Variants in BPIFB3 observed in about 807,000 individuals in gnomAD.
BPIFB3 encodes the protein BPI fold-containing family B member 3.
In BPIFB3, 49 loss-of-function variants were observed where a neutral mutation model predicts 53.1. The ratio of observed to expected loss-of-function variants is 0.92; its 90% confidence interval spans 0.73 to 1.17. The LOEUF (loss-of-function observed/expected upper bound fraction) is 1.17. Ranked by LOEUF, BPIFB3 falls within the 50% of genes most tolerant of loss-of-function variation. The pLI is 0.00. For missense variants in BPIFB3, 628 were observed against 592.5 expected (o/e 1.06, Z -0.62); for synonymous variants, 271 against 269.6 (o/e 1.01, Z -0.05).
chr20:33,072,657 C>T (rs1343864543), intron 13 of BPIFB3, 60 bp from the exon 15 acceptor site: 7 of 1,443,120 alleles, frequency 4.9e-6, no homozygotes, highest in Non-Finnish European at 6.8e-6. Context: ...TCCGAGGGTT[C>T]CTAGGGTCCA....
intron 10 of BPIFB3, among the ~76,000 whole-genome samples, chr20:33,069,599 G>T (rs1402184445): frequency 6.6e-6 from 1 of 152,186 alleles, no homozygotes; most frequent in Admixed American, 6.5e-5. Context: ...TCACTGGAAA[G>T]GCCTTCCCTC....
chr20:33,069,276 C>T (rs1352913325), intron 10 of BPIFB3, among the ~76,000 whole-genome samples: 2 of 152,178 alleles, frequency 1.3e-5, no homozygotes, highest in Non-Finnish European at 2.9e-5. Context: ...AGCTATCTCC[C>T]TGACGACCCT....
chr20:33,066,927 C>A, intron 9 of BPIFB3, 50 bp downstream of exon 10: 2 of 1,575,464 alleles, frequency 1.3e-6, no homozygotes, highest in Non-Finnish European at 1.7e-6. Context: ...TTCCTGATGA[C>A]CATGAATGGA....
exon 3 of BPIFB3, chr20:33,059,428 C>T (rs752849831): frequency 1.3e-5 from 21 of 1,612,908 alleles, no homozygotes; most frequent in African/African-American, 6.7e-5. Context: ...AAGCTGCTGC[C>T]GGGATTTGGG....
chr20:33,054,141 G>C (rs1980098105), upstream of BPIFB3, among the ~76,000 whole-genome samples: 1 of 152,156 alleles, frequency 6.6e-6, no homozygotes, highest in South Asian at 2.1e-4. Flanking sequence ...GGCCCAGAGA[G>C]AGGCAAAGAC....
At chr20:33,055,360 CAG>C (rs1980144005), upstream of BPIFB3, 2 of 1,592,756 alleles carry the variant, frequency 1.3e-6, no homozygotes, top group African/African-American at 1.3e-5. Context: ...ATAATGGGAA[CAG>C]AGAGGGGAAA....
exon 11 of BPIFB3, chr20:33,069,915 C>T: frequency 6.2e-7 from 1 of 1,614,184 alleles, no homozygotes; most frequent in Non-Finnish European, 8.5e-7. Context: ...CCAGCTGGCT[C>T]CCTCGGCTAC....
exon 2 of BPIFB3, chr20:33,056,613 G>C: frequency 6.2e-7 from 1 of 1,613,898 alleles, no homozygotes; most frequent in Non-Finnish European, 8.5e-7. Context: ...TGTGAACCGG[G>C]GCCTCTTGGG....
At chr20:33,059,757 G>A in intron 3 of BPIFB3, 134 bp from the exon 5 acceptor site, 1 of 1,322,428 alleles carries the variant, frequency 7.6e-7, no homozygotes, top group Non-Finnish European at 1.0e-6. Flanking sequence ...GTGCAGGGAA[G>A]TGCAAAATGG....
chr20:33,057,376 A>G (rs1980254561), intron 2 of BPIFB3, among the ~76,000 whole-genome samples: 1 of 151,902 alleles, frequency 6.6e-6, no homozygotes, highest in Admixed American at 6.6e-5. Context: ...TTTAGTAGAG[A>G]AGAAGTTACA....
chr20:33,066,284 G>T (rs193199989), intron 8 of BPIFB3, among the ~76,000 whole-genome samples: 148 of 152,302 alleles, frequency 9.7e-4, no homozygotes, highest in African/African-American at 3.5e-3. Flanking sequence ...GGGGGTGCAG[G>T]CTCAGTGTGA....
intron 8 of BPIFB3, among the ~76,000 whole-genome samples, chr20:33,066,270 G>A (rs922278403): frequency 2.6e-5 from 4 of 152,226 alleles, no homozygotes; most frequent in African/African-American, 7.2e-5. Flanking sequence ...CTGCCACAAG[G>A]GGAGGGGGTG....
chr20:33,055,616 G>A, intron 1 of BPIFB3, 69 bp downstream of exon 2: 2 of 1,601,802 alleles, frequency 1.2e-6, no homozygotes, highest in Non-Finnish European at 1.7e-6. Flanking sequence ...TATGCTTAGA[G>A]CATCTGCTTT....
chr20:33,071,237 C>T lies in BPIFB3; in HGVS notation c.1218-16C>T. The T allele has an allele frequency of 1.3e-6, 2 of 1,558,918 alleles. No homozygotes were observed. Among genetic ancestry groups the T allele is most frequent in the Non-Finnish European group, 1.7e-6 (2 of 1,150,322 alleles). ...GGGGGTAGCGGGGGCCCCAGCATCT[C>T]TCTTCTCTCCACCAGGCTCAGTGTC... On this transcript the variant is annotated splice_polypyrimidine_tract_variant and intron_variant, in intron 11 of 14. Coordinates refer to ENST00000375494, the Ensembl canonical transcript of BPIFB3.
chr20:33,057,731 G>A (rs928721167), intron 2 of BPIFB3, among the ~76,000 whole-genome samples: 2 of 151,580 alleles, frequency 1.3e-5, no homozygotes, highest in East Asian at 1.9e-4. Context: ...CTGAAAGTTT[G>A]TTGCTCATAT....
Position 33,060,033 on chromosome 20 carries a change from T to TGAGTCTGCAGGTTC in BPIFB3, c.527+3_527+16dup. ...GGGCCACATCAGCCTGTTCTCAGGG[T>TGAGTCTGCAGGTTC]GAGTCTGCAGGTTCCAGCCTGCAAC... is the stretch of plus-strand genomic sequence containing the variant. On this transcript the variant is annotated splice_region_variant and intron_variant, in intron 4 of 14. Transcript: ENST00000375494. The TGAGTCTGCAGGTTC allele has an allele frequency of 1.2e-6, 2 of 1,613,494 alleles. No homozygotes were observed.
At chr20:33,059,704 G>A (rs189491348) in intron 3 of BPIFB3, among the ~76,000 whole-genome samples, 187 bp from the exon 5 acceptor site, 82 of 152,198 alleles carry the variant, frequency 5.4e-4, no homozygotes, top group African/African-American at 1.9e-3. Flanking sequence ...CTCCAGACCC[G>A]GACCCCACCG....
chr20:33,073,713 G>T, downstream of BPIFB3: 2 of 1,321,426 alleles, frequency 1.5e-6, no homozygotes, highest in Non-Finnish European at 2.1e-6. Flanking sequence ...CAGTAAAAAT[G>T]CCCTCTGGCC....
intron 6 of BPIFB3, 66 bp downstream of exon 7, chr20:33,063,741 T>TCATAC: frequency 1.3e-6 from 2 of 1,536,540 alleles, no homozygotes; most frequent in Non-Finnish European, 1.8e-6. Flanking sequence ...CCCAATGGGG[T>TCATAC]AGGGTACGAA....
Sources: gnomAD v4.1 joint callset for allele counts (sites outside exome capture counted in the v4.1 genomes callset) on GRCh38, gnomAD v4.1.1 for gene constraint, MANE v1.5 for transcripts, NCBI Gene and HGNC (gene_info 2026-07-23, HGNC 2026-07-21) for gene names.